DYNC2H1: variants seen among roughly 807,000 people sequenced by gnomAD.
DYNC2H1 encodes dynein cytoplasmic 2 heavy chain 1.
DYNC2H1 carries 410 observed loss-of-function variants against 570.0 expected under a neutral mutation model. The observed-to-expected ratio is 0.72, with a 90% CI of 0.66 to 0.78. The LOEUF is 0.78. DYNC2H1 is among the 30% of genes least tolerant of loss of function. DYNC2H1 has a pLI of 0.00. For synonymous variants in DYNC2H1, 1,688 were observed against 1,677.6 expected (o/e 1.01, Z -0.15); for missense variants, 4,865 against 5,046.4 (o/e 0.96, Z 1.09).
chr11:103,127,201 AG>A (rs1161895573), intron 12 of DYNC2H1, among the ~76,000 whole-genome samples: 2 of 152,194 alleles, frequency 1.3e-5, no homozygotes, highest in Non-Finnish European at 2.9e-5. Context: ...AAAAGCAGAG[AG>A]GCTTGCTTAC....
At chr11:103,152,910 C>T (rs1053459004) in intron 21 of DYNC2H1, among the ~76,000 whole-genome samples, 54 of 152,154 alleles carry the variant, frequency 3.5e-4, no homozygotes, top group African/African-American at 1.2e-3. Flanking sequence ...CCTTAGGGCC[C>T]AGTCCTTAGC....
intron 70 of DYNC2H1, among the ~76,000 whole-genome samples, chr11:103,262,480 C>T (rs1483719817): frequency 2.0e-5 from 3 of 152,082 alleles, no homozygotes; most frequent in African/African-American, 7.2e-5. Flanking sequence ...AAAGGGAAGC[C>T]CATCAGACTA....
At chr11:103,313,023 A>G (rs982897503) in intron 79 of DYNC2H1, among the ~76,000 whole-genome samples, 3 of 152,186 alleles carry the variant, frequency 2.0e-5, no homozygotes, top group African/African-American at 7.2e-5. Flanking sequence ...CACCTGTACT[A>G]CTTTCTGAAT....
intron 83 of DYNC2H1, among the ~76,000 whole-genome samples, chr11:103,370,077 G>A (rs1404032566): frequency 6.6e-6 from 1 of 152,238 alleles, no homozygotes; most frequent in Admixed American, 6.5e-5. Context: ...TGGGCCAGAG[G>A]TGAGCCCACT....
chr11:103,141,402 T>G (rs980342615), intron 17 of DYNC2H1, among the ~76,000 whole-genome samples: 10 of 152,166 alleles, frequency 6.6e-5, no homozygotes, highest in African/African-American at 2.2e-4. Context: ...CCTTTCTGTT[T>G]GTTAGTTTTC....
At chr11:103,113,486 T>C in intron 1 of DYNC2H1, 51 bp from the exon 2 acceptor site, 15 of 1,387,576 alleles carry the variant, frequency 1.1e-5, no homozygotes, top group Non-Finnish European at 9.5e-7. Context: ...TACATTTTTT[T>C]CAAATATTAA....
chr11:103,400,369 T>TGG (rs1942588363), intron 84 of DYNC2H1, among the ~76,000 whole-genome samples: 1 of 152,124 alleles, frequency 6.6e-6, no homozygotes, highest in Admixed American at 6.6e-5. Flanking sequence ...TTCCTGGAGC[T>TGG]GGGGATGGAT....
In DYNC2H1 at chr11:103,253,395, T is replaced by A; in HGVS notation, c.10153T>A (p.Ser3385Thr). Residue 3385 changes from serine (S) to threonine (T), a missense_variant, in exon 66 of 89, where the codon TCC (serine) becomes ACC (threonine). Physicochemically the swap from Ser to Thr is moderately conservative, Grantham distance 58. Coordinates refer to ENST00000375735, the MANE Select transcript of DYNC2H1 (RefSeq NM_001377.3). ...PNPFIPPDAA[S>T]IVTEVNFTTT... ...TCCTTTTATTCCACCGGATGCAGCT[T>A]CCATTGTTACTGAGGTTAACTTTAC... The A allele has an allele frequency of 6.2e-7, 1 of 1,613,352 alleles. No individual in the cohort carries two copies. Among genetic ancestry groups the A allele is most frequent in the Non-Finnish European group, 8.5e-7 (1 of 1,179,504 alleles).
In DYNC2H1 at chr11:103,319,998, C is replaced by A. The variant is rs1938080649; in HGVS notation, c.11726-1031C>A. Among the ~76,000 whole-genome samples the A allele has an allele frequency of 6.6e-6, 1 of 152,138 alleles. No homozygotes were observed. The highest frequency in any genetic ancestry group is 1.9e-4 in the East Asian group (1 of 5,196). On this transcript the variant is annotated intron_variant, in intron 80 of 88. Coordinates refer to ENST00000375735, the MANE Select transcript of DYNC2H1 (RefSeq NM_001377.3). This position sits in a 1 kb window ranked among gnomAD's most constrained non-coding sequence, Gnocchi z 4.3. ...TTATGTTCCAAGGCATGTAGATAAT[C>A]AATTTTTGTCATATCTCTAAATTTT...
Position 103,163,499 on chromosome 11 carries a change from C to T in DYNC2H1, c.4611+352C>T, listed in dbSNP as rs1861180952. ...CCATGGGATCATCTAAGCATTGGAG[C>T]TGGCAGGAACTTAGCAGGTATTAGT... On this transcript the variant is annotated intron_variant, in intron 30 of 88. Transcript: ENST00000375735. This position sits in a 1 kb window ranked among gnomAD's most constrained non-coding sequence, Gnocchi z 4.6. Among the ~76,000 whole-genome samples the T allele has an allele frequency of 6.6e-6, 1 of 152,150 alleles. No individual in the cohort carries two copies. Among genetic ancestry groups the T allele is most frequent in the Non-Finnish European group, 1.5e-5 (1 of 68,030 alleles).
chr11:103,414,265 T>C (rs943632153), intron 84 of DYNC2H1, among the ~76,000 whole-genome samples: 13 of 152,184 alleles, frequency 8.5e-5, no homozygotes, highest in Non-Finnish European at 1.6e-4. Context: ...TAAGGGAATG[T>C]TATTAATAAT....
chr11:103,176,272 T>G lies in DYNC2H1; in HGVS notation c.5712T>G (p.Leu1904=). The G allele has an allele frequency of 6.5e-7, 1 of 1,542,126 alleles. No individual in the cohort carries two copies. Residue 1904 remains leucine, a synonymous_variant, in exon 37 of 89, where the codon CTT becomes CTG. Coordinates refer to ENST00000375735, the MANE Select transcript of DYNC2H1 (RefSeq NM_001377.3). The part of the protein sequence containing the change: ...ESHIVVQALR[L]NTMSKFTFTD... Reference sequence around the variant, plus strand: ...ATATTGTGGTACAAGCACTGAGGCTTAATACCATGTCAAAGTTTACGTTTA... The same window carrying G: ...ATATTGTGGTACAAGCACTGAGGCTGAATACCATGTCAAAGTTTACGTTTA...
intron 62 of DYNC2H1, among the ~76,000 whole-genome samples, 185 bp from the exon 63 acceptor site, chr11:103,236,245 T>A (rs1371017286): frequency 6.6e-6 from 1 of 152,014 alleles, no homozygotes; most frequent in Non-Finnish European, 1.5e-5. Flanking sequence ...GGAGTTCCAT[T>A]CCTTTGCACT....
chr11:103,416,004 A>G (rs1943267398), intron 84 of DYNC2H1, among the ~76,000 whole-genome samples: 1 of 152,222 alleles, frequency 6.6e-6, no homozygotes, highest in Non-Finnish European at 1.5e-5. Flanking sequence ...CTGCAGGGAC[A>G]TGGAATGAAG....
At chr11:103,434,677 T>C (rs1944001035) in intron 84 of DYNC2H1, among the ~76,000 whole-genome samples, 2 of 152,088 alleles carry the variant, frequency 1.3e-5, no homozygotes, top group Non-Finnish European at 2.9e-5. Flanking sequence ...AATAATGTTT[T>C]TTAAAAATCA....
chr11:103,165,825 C>A, intron 30 of DYNC2H1, 73 bp from the exon 31 acceptor site: 2 of 1,259,470 alleles, frequency 1.6e-6, no homozygotes, highest in African/African-American at 1.6e-5. Context: ...AAAAAAGGTG[C>A]CTTTCTTTAA....
At chr11:103,169,889 T>G (rs1861499448) in intron 32 of DYNC2H1, among the ~76,000 whole-genome samples, 1 of 152,226 alleles carries the variant, frequency 6.6e-6, no homozygotes, top group African/African-American at 2.4e-5. Context: ...AACAATGTAT[T>G]GAGTATAGTA....
In DYNC2H1 at chr11:103,358,289, C is replaced by T. The variant is rs1259552005; in HGVS notation, c.12086C>T (p.Ser4029Phe). The T allele has an allele frequency of 1.3e-6, 2 of 1,592,672 alleles. No individual in the cohort carries two copies. Among genetic ancestry groups the T allele is most frequent in the Admixed American group, 3.5e-5 (2 of 57,354 alleles). The change falls in exon 83 of 89, where the codon TCC becomes TTC. Residue 4029 changes from serine (S) to phenylalanine (F), a missense_variant. Physicochemically the swap from Ser to Phe is radical, Grantham distance 155. Transcript: ENST00000375735. ...TTGGGCAGATCCATAACAGCTGGTT[C>T]CAAATTTGATAGAGAAATCTGGTCT... ...RILGRSITAG[S>F]KFDREIWSNE...
In DYNC2H1 at chr11:103,280,224, A is replaced by G; in HGVS notation, c.10696-124A>G. 1.1e-6 allele frequency: 1 copy of G among 885,316 alleles called. No homozygotes were observed. The highest frequency in any genetic ancestry group is 1.8e-6 in the Non-Finnish European group (1 of 570,286). The allele number at this position is 885,316 out of a possible 1,614,324, so 54.8% of individuals were successfully genotyped here. A position where few individuals can be genotyped will look rare whatever the true frequency, so the allele number is the denominator to read the frequency against. Reference sequence around the variant, plus strand: ...AGCAATCTGAATAGTAATTTCTTACATCGATAAAAAAGTAGGTCATATGAA... The same window carrying G: ...AGCAATCTGAATAGTAATTTCTTACGTCGATAAAAAAGTAGGTCATATGAA... On this transcript the variant is annotated intron_variant, in intron 70 of 88. Transcript: ENST00000375735. The surrounding 1 kb of genome is among the most constrained non-coding windows in gnomAD (Gnocchi z 4.7).
Sources: gnomAD v4.1 joint callset for allele counts (sites outside exome capture counted in the v4.1 genomes callset) on GRCh38, gnomAD v4.1.1 for gene constraint, Gnocchi (gnomAD v3.1) non-coding constraint, MANE v1.5 for transcripts, NCBI Gene and HGNC (gene_info 2026-07-23, HGNC 2026-07-21) for gene names.